SCAMP1: variants seen among roughly 807,000 people sequenced by gnomAD.
SCAMP1 encodes the protein secretory carrier-associated membrane protein 1.
Under a neutral mutation model 41.8 loss-of-function variants are expected in SCAMP1, and 15 were observed. That is an observed-to-expected ratio of 0.36 (90% CI 0.24 to 0.55). SCAMP1 has a LOEUF of 0.55. Ranked by LOEUF, SCAMP1 falls within the 20% of genes least tolerant of loss-of-function variation. SCAMP1 has a pLI of 0.86. For missense variants in SCAMP1, 341 were observed against 412.6 expected, an observed-to-expected ratio of 0.83 and a Z score of 1.50; for synonymous variants, 135 against 136.8, an observed-to-expected ratio of 0.99 and a Z score of 0.09.
At chr5:78,464,460 T>G (rs911466263) in intron 8 of SCAMP1, among the ~76,000 whole-genome samples, 1 of 152,200 alleles carries the variant, frequency 6.6e-6, no homozygotes, top group Non-Finnish European at 1.5e-5. Flanking sequence ...CTTAGATACC[T>G]TTTTAGTATC....
chr5:78,403,306 A>C (rs1751844168), intron 2 of SCAMP1, among the ~76,000 whole-genome samples: 1 of 152,150 alleles, frequency 6.6e-6, no homozygotes, highest in South Asian at 2.1e-4. Context: ...AGGTAGTGTG[A>C]GTGCCTTATA....
chr5:78,461,481 T>C (rs1179849846), intron 8 of SCAMP1, among the ~76,000 whole-genome samples: 2 of 152,174 alleles, frequency 1.3e-5, no homozygotes, highest in African/African-American at 2.4e-5. Flanking sequence ...GATCAGTTGG[T>C]TGTAGGTGTG....
chr5:78,430,440 A>C (rs893951635), intron 6 of SCAMP1, among the ~76,000 whole-genome samples: 4 of 151,426 alleles, frequency 2.6e-5, no homozygotes, highest in African/African-American at 9.7e-5. Flanking sequence ...GATTCTTTCC[A>C]TATTTTCTGG....
intron 7 of SCAMP1, among the ~76,000 whole-genome samples, chr5:78,450,500 A>G (rs919649368): frequency 1.3e-5 from 2 of 152,220 alleles, no homozygotes; most frequent in South Asian, 2.1e-4. Context: ...CACACGTTAT[A>G]TACATATATC....
intron 1 of SCAMP1, among the ~76,000 whole-genome samples, chr5:78,387,708 T>C (rs1455561132): frequency 2.6e-5 from 4 of 152,156 alleles, no homozygotes; most frequent in Admixed American, 2.0e-4. Flanking sequence ...AGAGCTGAAC[T>C]ACAGTGATTG....
chr5:78,368,299 C>T (rs998020446), intron 1 of SCAMP1, among the ~76,000 whole-genome samples: 3 of 152,130 alleles, frequency 2.0e-5, no homozygotes, highest in Admixed American at 6.5e-5. Flanking sequence ...TGCTGTGCCA[C>T]GTGACAAAAC....
intron 6 of SCAMP1, among the ~76,000 whole-genome samples, chr5:78,449,533 G>A (rs1753163618): frequency 6.6e-6 from 1 of 152,174 alleles, no homozygotes; most frequent in South Asian, 2.1e-4. Context: ...CATAGTGATT[G>A]GGGAATCAAG....
intron 1 of SCAMP1, among the ~76,000 whole-genome samples, chr5:78,374,219 C>G (rs1314345608): frequency 1.3e-5 from 2 of 152,080 alleles, no homozygotes; most frequent in African/African-American, 4.8e-5. Flanking sequence ...CTTCATATTG[C>G]AGAAACAGAA....
chr5:78,388,586 C>T (rs1217639273), intron 1 of SCAMP1, among the ~76,000 whole-genome samples: 1 of 152,132 alleles, frequency 6.6e-6, no homozygotes, highest in Non-Finnish European at 1.5e-5. Flanking sequence ...TACTTTTTAT[C>T]TTGATGTAAT....
At chr5:78,365,061 T>C (rs1003939046) in intron 1 of SCAMP1, among the ~76,000 whole-genome samples, 3 of 152,180 alleles carry the variant, frequency 2.0e-5, no homozygotes, top group Admixed American at 1.3e-4. Flanking sequence ...AGGGTAATAG[T>C]ACATTCTCTA....
chr5:78,382,817 G>GTGTGTT, intron 1 of SCAMP1, among the ~76,000 whole-genome samples: 1 of 56,362 alleles, frequency 1.8e-5, no homozygotes, highest in Middle Eastern at 8.8e-3. Flanking sequence ...GTGTGTGTGT[G>GTGTGTT]TGCGCCACAT....
chr5:78,378,648 G>A (rs1288602241), intron 1 of SCAMP1, among the ~76,000 whole-genome samples: 3 of 152,202 alleles, frequency 2.0e-5, no homozygotes, highest in Admixed American at 6.5e-5. Flanking sequence ...ACACTGTAAA[G>A]TTAAGTGGCA....
intron 6 of SCAMP1, among the ~76,000 whole-genome samples, chr5:78,449,230 A>C (rs1204662353): frequency 1.3e-5 from 2 of 152,052 alleles, no homozygotes; most frequent in Non-Finnish European, 2.9e-5. Context: ...TAATAATAAA[A>C]AACTAGAAAC....
At chr5:78,411,526 G>A (rs764606457) in intron 2 of SCAMP1, among the ~76,000 whole-genome samples, 3 of 152,074 alleles carry the variant, frequency 2.0e-5, no homozygotes, top group Admixed American at 6.6e-5. Context: ...TAGGAAGTTC[G>A]TGTCATGTTG....
At chr5:78,431,124 A>T (rs1482443036) in intron 6 of SCAMP1, among the ~76,000 whole-genome samples, 1 of 152,056 alleles carries the variant, frequency 6.6e-6, no homozygotes, top group Non-Finnish European at 1.5e-5. Flanking sequence ...GATTGAGTGC[A>T]GATACAGATA....
chr5:78,377,394 A>G (rs1431427068), intron 1 of SCAMP1, among the ~76,000 whole-genome samples: 5 of 151,984 alleles, frequency 3.3e-5, no homozygotes, highest in Admixed American at 6.6e-5. Flanking sequence ...TCCCAATTTT[A>G]TGTCTCATAT....
At chr5:78,366,332 C>CG (rs1263350626) in intron 1 of SCAMP1, among the ~76,000 whole-genome samples, 4 of 151,942 alleles carry the variant, frequency 2.6e-5, no homozygotes, top group African/African-American at 9.7e-5. Flanking sequence ...TTAGTAGAGA[C>CG]GGAGTTTCAC....
At chr5:78,422,121 T>C (rs1430485384) in intron 6 of SCAMP1, among the ~76,000 whole-genome samples, 161 bp downstream of exon 6, 2 of 152,354 alleles carry the variant, frequency 1.3e-5, no homozygotes, top group South Asian at 2.1e-4. Context: ...TGTGTATTCA[T>C]TGGATTTTGT....
At chr5:78,426,721 C>G (rs1203479617) in intron 6 of SCAMP1, among the ~76,000 whole-genome samples, 5 of 152,202 alleles carry the variant, frequency 3.3e-5, no homozygotes, top group Non-Finnish European at 7.3e-5. Flanking sequence ...GCACACAATT[C>G]TCATTCCTTT....
Sources: allele counts gnomAD v4.1 joint callset (sites outside exome capture counted in the v4.1 genomes callset), GRCh38; gene constraint gnomAD v4.1.1; transcripts MANE v1.5; gene names NCBI Gene and HGNC (gene_info 2026-07-23, HGNC 2026-07-21).